Variants in LY75 observed in about 807,000 individuals in gnomAD.
LY75 encodes C-type lectin domain family 13 member B.
Under a neutral mutation model 231.7 loss-of-function variants are expected in LY75, and 185 were observed. The observed-to-expected ratio is 0.80, with a 90% CI of 0.71 to 0.90. The LOEUF (loss-of-function observed/expected upper bound fraction) is 0.90. LY75 is among the 40% of genes least tolerant of loss of function. LY75 has a pLI of 0.00. For synonymous variants in LY75, 668 were observed against 689.0 expected, an observed-to-expected ratio of 0.97 and a Z score of 0.48; for missense variants, 1,947 against 2,050.2, an observed-to-expected ratio of 0.95 and a Z score of 0.97.
intron 25 of LY75, 91 bp downstream of exon 25, chr2:159,840,638 G>C: frequency 6.5e-7 from 1 of 1,536,380 alleles, no homozygotes; most frequent in Non-Finnish European, 8.8e-7. Context: ...CAGTTCTTCT[G>C]TTTGTTTTAG....
Position 159,834,222 on chromosome 2 carries a change from A to T in LY75, c.3674-11T>A. On this transcript the variant is annotated splice_polypyrimidine_tract_variant and intron_variant, in intron 26 of 34. Transcript: ENST00000263636. ...CTTTTTCAGTCTCATCTAGAAAAAGAGTTAATGGTAAGAATTCTAATTTGA... is the reference window on the plus strand; with the variant it reads ...CTTTTTCAGTCTCATCTAGAAAAAGTGTTAATGGTAAGAATTCTAATTTGA... The T allele has an allele frequency of 6.2e-7, 1 of 1,612,778 alleles. No individual in the cohort carries two copies. Among genetic ancestry groups the T allele is most frequent in the Non-Finnish European group, 8.5e-7 (1 of 1,179,594 alleles).
chr2:159,852,156 C>T, intron 21 of LY75, 45 bp downstream of exon 21: 1 of 1,602,090 alleles, frequency 6.2e-7, no homozygotes, highest in Non-Finnish European at 8.5e-7. Flanking sequence ...ATAAAACCAG[C>T]ATGGAAGCAA....
intron 10 of LY75, 31 bp downstream of exon 10, chr2:159,878,602 T>C (rs1685343355): frequency 4.3e-6 from 7 of 1,613,720 alleles, no homozygotes; most frequent in African/African-American, 1.3e-5. Flanking sequence ...GAGTTGAAAG[T>C]TTATGAGTAC....
chr2:159,805,102 A>G lies in LY75; in HGVS notation c.5111T>C (p.Val1704Ala), dbSNP rs773385640. The stretch of plus-strand genomic sequence containing the variant: ...TTCATTCACTCCTTGTGCATATCGA[A>G]CTGATGAGAAACCCGCCAGGTGCAA... ...HRLHLAGFSS[V>A]RYAQGVNEDE... The change falls in exon 35 of 35, where the codon GTT (valine) becomes GCT (alanine). Residue 1704 changes from valine to alanine, a missense_variant. Transcript: ENST00000263636. 3 of 1,614,172 alleles carry G rather than the reference A, an allele frequency of 1.9e-6. No homozygotes were observed. Among genetic ancestry groups the G allele is most frequent in the Non-Finnish European group, 2.5e-6 (3 of 1,180,000 alleles).
chr2:159,899,074 C>T lies in LY75; in HGVS notation c.95-15G>A, dbSNP rs769173521. On this transcript the variant is annotated splice_polypyrimidine_tract_variant and intron_variant, in intron 1 of 34. Transcript: ENST00000263636. ...GGGGTCATTAGCTGAGTCAAATGGA[C>T]AGACAGATTGTAGATTATGTGGTTG... 2 of 1,604,644 alleles carry T rather than the reference C, an allele frequency of 1.2e-6. No individual in the cohort carries two copies. Among genetic ancestry groups the T allele is most frequent in the East Asian group, 4.5e-5 (2 of 44,780 alleles).
Position 159,854,464 on chromosome 2 carries a change from G to T in LY75, c.2491C>A (p.Leu831Ile). 1 of 1,613,606 alleles carries T rather than the reference G, an allele frequency of 6.2e-7. No individual in the cohort carries two copies. Among genetic ancestry groups the T allele is most frequent in the East Asian group, 2.2e-5 (1 of 44,874 alleles). The change falls in exon 18 of 35, where the codon CTA (leucine) becomes ATA (isoleucine). Residue 831 changes from leucine to isoleucine, a missense_variant. Transcript: ENST00000263636. The stretch of plus-strand genomic sequence containing the variant: ...TACAGGACGGCTTCTTCATAGTTTA[G>T]GTGAAGATCAGCAACAAACCAATAT... ...SEYWFVADLH[L>I]NYEEAVLYCA...
At chr2:159,806,717 T>C (rs185991208) in intron 34 of LY75, among the ~76,000 whole-genome samples, 80 of 152,316 alleles carry the variant, frequency 5.3e-4, no homozygotes, top group African/African-American at 1.8e-3. Context: ...ACTTCCCTAA[T>C]ACCCTGGCAA....
rs193266622 is a variant in LY75 at position 159,877,502 on chromosome 2, C to G, written c.1774+822G>C. On this transcript the variant is annotated intron_variant, in intron 11 of 34. Transcript: ENST00000263636. The stretch of plus-strand genomic sequence containing the variant: ...AAAGTATTTCTGAGGTCCTTTCCGG[C>G]TTAAGTGTTCTGATTCTATGGCAAA... 1.7e-3 allele frequency among the ~76,000 whole-genome samples: 253 copies of G among 152,278 alleles called. 1 individual carries two copies. Among genetic ancestry groups the G allele is most frequent in the Non-Finnish European group, 2.9e-3 (196 of 68,022 alleles).
At chr2:159,893,512 CTCT>C (rs980099463) in intron 3 of LY75, among the ~76,000 whole-genome samples, 2 of 152,292 alleles carry the variant, frequency 1.3e-5, no homozygotes, top group East Asian at 1.9e-4. Flanking sequence ...TGCCAACTGT[CTCT>C]TCTTCTGCTC....
chr2:159,803,583 G>A lies in LY75; in HGVS notation c.*1461C>T, dbSNP rs899213220. On this transcript the variant is annotated 3_prime_UTR_variant, in exon 35 of 35. Transcript: ENST00000263636. Reference sequence around the variant, plus strand: ...AAATTATTTACAACTTTATCATAGTGTAAATACTCTAAATGTAAAATAAAT... The same window carrying A: ...AAATTATTTACAACTTTATCATAGTATAAATACTCTAAATGTAAAATAAAT... 23 of 151,588 alleles carry A rather than the reference G, an allele frequency of 1.5e-4. No individual in the cohort carries two copies. The highest frequency in any genetic ancestry group is 5.1e-4 in the African/African-American group (21 of 41,218). 9.4% of individuals were successfully genotyped at this position (151,588 alleles called of 1,614,324 possible).
At chr2:159,871,026 T>C (rs1684999008) in intron 13 of LY75, among the ~76,000 whole-genome samples, 4 of 152,158 alleles carry the variant, frequency 2.6e-5, no homozygotes. Context: ...AGATTAACAA[T>C]AGTGATGATA....
At chr2:159,850,995 A>G (rs1440079597) in intron 21 of LY75, among the ~76,000 whole-genome samples, 10 of 151,440 alleles carry the variant, frequency 6.6e-5, no homozygotes, top group Admixed American at 6.6e-4. Flanking sequence ...CTTCATCCAT[A>G]AGTGAAATAG....
rs554290012 is a variant in LY75 at position 159,868,136 on chromosome 2, T to C, written c.2118-3216A>G. Among the ~76,000 whole-genome samples, 3 of 152,338 alleles carry C rather than the reference T, an allele frequency of 2.0e-5. No individual in the cohort carries two copies. In the East Asian group the frequency reaches 5.8e-4, roughly 29 times the overall value. ...AATTTTGGTTTTAGAATATGTTCTC[T>C]AAGCACAGCACAGGCAAACAATTTC... On this transcript the variant is annotated intron_variant, in intron 13 of 34. Coordinates refer to ENST00000263636, the MANE Select transcript of LY75 (RefSeq NM_002349.4).
intron 34 of LY75, among the ~76,000 whole-genome samples, chr2:159,806,070 G>A (rs564935486): frequency 7.9e-5 from 12 of 152,230 alleles, no homozygotes; most frequent in East Asian, 7.7e-4. Context: ...TCTTAGCTTC[G>A]GTGTCTCCTG....
intron 26 of LY75, among the ~76,000 whole-genome samples, 198 bp from the exon 27 acceptor site, chr2:159,834,409 T>C (rs1055360070): frequency 6.6e-6 from 1 of 152,196 alleles, no homozygotes; most frequent in South Asian, 2.1e-4. Flanking sequence ...TGACACAATT[T>C]TCTTACCCCT....
Position 159,879,339 on chromosome 2 carries a change from C to G in LY75, c.1435G>C (p.Glu479Gln). ...CTCTTGCATACATATTTTAGTTTCT[C>G]CTCACATGATTGGACTTTCCACTGA... ...LGQWKVQSCE[E>Q]KLKYVCKRKG... The change falls in exon 9 of 35, where the codon GAG (glutamate) becomes CAG (glutamine). Residue 479 changes from glutamate (E) to glutamine (Q), a missense_variant. Coordinates refer to ENST00000263636, the MANE Select transcript of LY75 (RefSeq NM_002349.4). The G allele has an allele frequency of 1.2e-6, 2 of 1,613,692 alleles. No individual in the cohort carries two copies. Among genetic ancestry groups the G allele is most frequent in the Non-Finnish European group, 1.7e-6 (2 of 1,179,878 alleles).
intron 24 of LY75, among the ~76,000 whole-genome samples, chr2:159,841,934 C>T (rs921930515): frequency 2.6e-5 from 4 of 151,872 alleles, no homozygotes; most frequent in Non-Finnish European, 4.4e-5. Context: ...AATCACATTC[C>T]ATTTGATAAA....
chr2:159,818,384 T>C (rs1683186038), intron 29 of LY75, among the ~76,000 whole-genome samples: 1 of 152,156 alleles, frequency 6.6e-6, no homozygotes, highest in African/African-American at 2.4e-5. Flanking sequence ...CCTCAAAAAC[T>C]TATAACCCCA....
chr2:159,878,766 T>C, intron 9 of LY75, 45 bp from the exon 10 acceptor site: 1 of 1,600,388 alleles, frequency 6.2e-7, no homozygotes, highest in Non-Finnish European at 8.6e-7. Context: ...CCAGACTTGA[T>C]GGTGTCCCGT....
Sources: gnomAD v4.1 joint callset for allele counts (sites outside exome capture counted in the v4.1 genomes callset) on GRCh38, gnomAD v4.1.1 for gene constraint, MANE v1.5 for transcripts, NCBI Gene and HGNC (gene_info 2026-07-23, HGNC 2026-07-21) for gene names.